DYRK4: variants seen among roughly 807,000 people sequenced by gnomAD.
DYRK4 encodes the protein dual specificity tyrosine phosphorylation regulated kinase 4, also known as dual specificity tyrosine-phosphorylation-regulated kinase 4.
DYRK4 carries 64 observed loss-of-function variants against 68.3 expected under a neutral mutation model. That is an observed-to-expected ratio of 0.94 (90% confidence interval 0.77 to 1.15). DYRK4 has a LOEUF of 1.15. Among genes scored for constraint, DYRK4 ranks in the 50% most tolerant of loss-of-function variants. The probability of loss-of-function intolerance (pLI) is 0.00; values close to 1 mark genes in which losing one functional copy is unlikely to be tolerated. For missense variants in DYRK4, 740 were observed against 764.7 expected (o/e 0.97, Z 0.38); for synonymous variants, 274 against 289.9 (o/e 0.95, Z 0.56).
At chr12:4,590,555 G>T (rs1944942371) in intron 4 of DYRK4, 115 bp downstream of exon 4, 1 of 1,465,034 alleles carries the variant, frequency 6.8e-7, no homozygotes, top group Non-Finnish European at 9.0e-7. Context: ...TGCTGAAGAG[G>T]TGGGTTCTAG....
rs771156429 is a variant in DYRK4, at chr12:4,591,326, GGGA to G, written c.463+31_463+33del. ...ATGCCTTTGGGGCAGTAGCAGGGTGGGGAGGTGCTTATGGAAGGTCGGGGTGTT... is the reference window on the plus strand; with the variant it reads ...ATGCCTTTGGGGCAGTAGCAGGGTGGGGTGCTTATGGAAGGTCGGGGTGTT... On this transcript the variant is annotated intron_variant, in intron 5 of 14. Coordinates refer to ENST00000543431, the MANE Select transcript of DYRK4 (RefSeq NM_001394779.1). This position sits in a 1 kb window ranked among gnomAD's most constrained non-coding sequence, Gnocchi z 4.1. 3.0e-5 allele frequency: 48 copies of G among 1,611,490 alleles called. No homozygotes were observed. The African/African-American group carries it at 5.5e-4, about 18-fold the overall frequency.
chr12:4,613,563 A>G lies in DYRK4; in HGVS notation c.1715A>G (p.Lys572Arg). Residue 572 changes from lysine to arginine, a missense_variant, in exon 15 of 15, where the codon AAG (lysine) becomes AGG (arginine). Lys to Arg is a conservative substitution (Grantham distance 26, BLOSUM62 2). This residue lies in a region of DYRK4 where 614 missense variants were observed against 603.7 expected (regional missense o/e 1.02). Coordinates refer to ENST00000543431, the MANE Select transcript of DYRK4 (RefSeq NM_001394779.1). The surrounding 1 kb of genome is among the most constrained non-coding windows in gnomAD (Gnocchi z 4.0). ...GAGAAAACAAAAGATAGCCCCACGA[A>G]GCATGTTCAGCATTCAGGTGATCAG... ...TTEKTKDSPT[K>R]HVQHSGDQQD... The G allele has an allele frequency of 6.2e-7, 1 of 1,614,134 alleles. No homozygotes were observed. Among genetic ancestry groups the G allele is most frequent in the Non-Finnish European group, 8.5e-7 (1 of 1,179,942 alleles).
rs1945125630 is a variant in DYRK4, at chr12:4,604,987, T to C, written c.1200T>C (p.Ile400=). 1.9e-6 allele frequency: 3 copies of C among 1,614,054 alleles called. No homozygotes were observed. Among genetic ancestry groups the C allele is most frequent in the Non-Finnish European group, 2.5e-6 (3 of 1,179,934 alleles). ...TGGGCCACCCCTACGACGTGGCCAT[T>C]GACATGTGGAGCCTGGGCTGCATCA... The part of the protein sequence containing the change: ...VILGHPYDVA[I]DMWSLGCITA... Residue 400 remains isoleucine (I), a synonymous_variant, in exon 11 of 15, where the codon ATT becomes ATC. Transcript: ENST00000543431.
chr12:4,591,487 G>A lies in DYRK4; in HGVS notation c.463+189G>A. 1 of 773,842 alleles carries A rather than the reference G, an allele frequency of 1.3e-6. No individual in the cohort carries two copies. Among genetic ancestry groups the A allele is most frequent in the Non-Finnish European group, 1.9e-6 (1 of 515,124 alleles). The allele number at this position is 773,842 out of a possible 1,614,324, so 47.9% of individuals were successfully genotyped here. The stretch of plus-strand genomic sequence containing the variant: ...GGTAGTATAAGCAAGAGGCTGAATA[G>A]GAGGCTGAATTTCCCCCAAGGAGTG... On this transcript the variant is annotated intron_variant, in intron 5 of 14. Coordinates refer to ENST00000543431, the MANE Select transcript of DYRK4 (RefSeq NM_001394779.1). The surrounding 1 kb of genome is among the most constrained non-coding windows in gnomAD (Gnocchi z 4.1).
Position 4,612,609 on chromosome 12 carries a change from GA to G in DYRK4, c.1559del (p.Asn520ThrfsTer11), listed in dbSNP as rs1313018237. 6.2e-7 allele frequency: 1 copy of G among 1,614,184 alleles called. No individual in the cohort carries two copies. Among genetic ancestry groups the G allele is most frequent in the Non-Finnish European group, 8.5e-7 (1 of 1,180,042 alleles). ...AGCATGCTTGGATTCATCAGTCTCG[GA>G]ACCTCAAGCCACAGCCCAGGCCCCA... is the stretch of plus-strand genomic sequence containing the variant. ...LKHAWIHQSR[N>X]LKPQPRPQTL... is the part of the protein sequence containing the mutation. On this transcript the variant is annotated frameshift_variant, in exon 14 of 15. Coordinates refer to ENST00000543431, the MANE Select transcript of DYRK4 (RefSeq NM_001394779.1). LOFTEE classifies it high-confidence loss of function.
intron 2 of DYRK4, among the ~76,000 whole-genome samples, chr12:4,586,705 T>TACACACACACAC (rs527544594): frequency 4.1e-4 from 32 of 77,588 alleles, no homozygotes; most frequent in African/African-American, 6.3e-4. Context: ...CTGGGCTGCG[T>TACACACACACAC]ACACACACAC....
chr12:4,573,360 A>G (rs1167820607), intron 2 of DYRK4: 6 of 1,289,578 alleles, frequency 4.7e-6, no homozygotes, highest in Non-Finnish European at 6.1e-6. Flanking sequence ...CTACATGGTA[A>G]GTACCAGTTC....
chr12:4,577,347 G>C (rs1195414762), intron 2 of DYRK4, among the ~76,000 whole-genome samples: 1 of 152,110 alleles, frequency 6.6e-6, no homozygotes, highest in Non-Finnish European at 1.5e-5. Context: ...TGGGACTACA[G>C]GTGTGCACCA....
intron 8 of DYRK4, among the ~76,000 whole-genome samples, chr12:4,597,869 A>G (rs1366942231): frequency 6.6e-6 from 1 of 152,076 alleles, no homozygotes; most frequent in African/African-American, 2.4e-5. Context: ...GTGAAACCCC[A>G]TCTCTACTAA....
chr12:4,568,258 G>A (rs1236552709), intron 2 of DYRK4, among the ~76,000 whole-genome samples: 1 of 152,240 alleles, frequency 6.6e-6, no homozygotes, highest in Non-Finnish European at 1.5e-5. Context: ...TAACAGGTAA[G>A]CTGTATTCCA....
At position 4,581,112 on chromosome 12, in the gene DYRK4, C is replaced by T. The variant is rs186436381; in HGVS notation, c.133-7825C>T. 20 of 249,804 alleles carry T rather than the reference C, an allele frequency of 8.0e-5. No individual in the cohort carries two copies. In the East Asian group the frequency reaches 1.9e-3, roughly 23 times the overall value. The allele number at this position is 249,804 out of a possible 1,614,324, so 15.5% of individuals were successfully genotyped here. ...GTGTGAGAGGGCAGGACATAATACTCCCCTGTGGTCCTTGGGTAAACTGAG... is the reference window on the plus strand; with the variant it reads ...GTGTGAGAGGGCAGGACATAATACTTCCCTGTGGTCCTTGGGTAAACTGAG... On this transcript the variant is annotated intron_variant, in intron 2 of 14. Coordinates refer to ENST00000543431, the MANE Select transcript of DYRK4 (RefSeq NM_001394779.1).
chr12:4,608,692 C>A (rs532169771), intron 12 of DYRK4, among the ~76,000 whole-genome samples: 1 of 152,258 alleles, frequency 6.6e-6, no homozygotes, highest in African/African-American at 2.4e-5. Flanking sequence ...TGATCCTACT[C>A]CAGTGCCAGG....
chr12:4,565,514 G>A (rs1052878327), intron 1 of DYRK4, among the ~76,000 whole-genome samples: 1 of 152,180 alleles, frequency 6.6e-6, no homozygotes. Context: ...GCATTGTGAC[G>A]AGGCTCCATG....
chr12:4,599,705 A>C lies in DYRK4; in HGVS notation c.1045-2A>C, dbSNP rs773056712. ...TTGACATATGTCTTTTCTTCTCTCT[A>C]GGAAAATATAGTGCTATACCAAAAG... On this transcript the variant is annotated splice_acceptor_variant, in intron 9 of 14. Transcript: ENST00000543431. LOFTEE classifies it high-confidence loss of function. 3.1e-6 allele frequency: 5 copies of C among 1,612,420 alleles called. No individual in the cohort carries two copies. The highest frequency in any genetic ancestry group is 3.4e-6 in the Non-Finnish European group (4 of 1,178,820).
rs201628488 is a variant in DYRK4 at position 4,612,559 on chromosome 12, C to T, written c.1507C>T (p.Arg503Cys). 6 of 1,614,010 alleles carry T rather than the reference C, an allele frequency of 3.7e-6. No individual in the cohort carries two copies. Among genetic ancestry groups the T allele is most frequent in the Admixed American group, 3.3e-5 (2 of 60,004 alleles). The change falls in exon 14 of 15, where the codon CGC becomes TGC. Residue 503 changes from arginine to cysteine, a missense_variant. By Grantham distance (180) the Arg-to-Cys change is radical. Coordinates refer to ENST00000543431, the MANE Select transcript of DYRK4 (RefSeq NM_001394779.1). ...RRCLVWEPSL[R>C]MTPDQALKHA... Reference sequence around the variant, plus strand: ...GGGGTGCAGATGGGAACCTTCTCTTCGCATGACCCCGGACCAGGCCCTCAA... The same window carrying T: ...GGGGTGCAGATGGGAACCTTCTCTTTGCATGACCCCGGACCAGGCCCTCAA...
rs61909644 is a variant in DYRK4 at position 4,591,742 on chromosome 12, T to C, written c.463+444T>C. 0.041 allele frequency: 6,329 copies of C among 155,760 alleles called. 168 individuals are homozygous for C. Among genetic ancestry groups the C allele is most frequent in the African/African-American group, 0.074 (3,074 of 41,624 alleles). The allele number at this position is 155,760 out of a possible 1,614,324, so 9.6% of individuals were successfully genotyped here. A position where few individuals can be genotyped will look rare whatever the true frequency, so the allele number is the denominator to read the frequency against. On this transcript the variant is annotated intron_variant, in intron 5 of 14. Coordinates refer to ENST00000543431, the MANE Select transcript of DYRK4 (RefSeq NM_001394779.1). This position sits in a 1 kb window ranked among gnomAD's most constrained non-coding sequence, Gnocchi z 4.1. ...AGGAGGTGTTGGAGAGGAGCCTCTG[T>C]AGGGGGATCTTGATTAGAAATGCAG...
At chr12:4,607,808 T>C (rs112018042) in intron 12 of DYRK4, among the ~76,000 whole-genome samples, 1 of 152,244 alleles carries the variant, frequency 6.6e-6, no homozygotes, top group African/African-American at 2.4e-5. Flanking sequence ...TGCTGCATTA[T>C]TGTTTCCCCT....
intron 11 of DYRK4, 67 bp from the exon 12 acceptor site, chr12:4,607,260 C>T: frequency 6.3e-7 from 1 of 1,592,822 alleles, no homozygotes; most frequent in Non-Finnish European, 8.6e-7. Flanking sequence ...CCAAAGTACG[C>T]TCCACCCCTC....
At chr12:4,570,433 T>A (rs932304002) in intron 2 of DYRK4, among the ~76,000 whole-genome samples, 1 of 152,206 alleles carries the variant, frequency 6.6e-6, no homozygotes, top group Non-Finnish European at 1.5e-5. Context: ...CTTTCCTCAA[T>A]GGACTTCTCA....
Sources: gnomAD v4.1 joint callset for allele counts (sites outside exome capture counted in the v4.1 genomes callset) on GRCh38, gnomAD v4.1.1 for gene constraint, gnomAD v4.1.1 regional missense constraint, Gnocchi (gnomAD v3.1) non-coding constraint, MANE v1.5 for transcripts, NCBI Gene and HGNC (gene_info 2026-07-23, HGNC 2026-07-21) for gene names.